Variants in DNAH9 observed in about 807,000 individuals in gnomAD.
DNAH9 encodes the protein DNAH9 variant protein.
Under a neutral mutation model 471.6 loss-of-function variants are expected in DNAH9, and 345 were observed. The ratio of observed to expected loss-of-function variants is 0.73; its 90% CI spans 0.67 to 0.80. The LOEUF (loss-of-function observed/expected upper bound fraction) is 0.80. Ranked by LOEUF, DNAH9 falls within the 30% of genes least tolerant of loss-of-function variation. DNAH9 has a pLI of 0.00. For synonymous variants in DNAH9, 2,093 were observed against 2,123.6 expected (o/e 0.99, Z 0.40); for missense variants, 5,407 against 5,609.2 (o/e 0.96, Z 1.15).
In DNAH9 at chr17:11,798,277, A is replaced by T. The variant is rs1969324058; in HGVS notation, c.8420+484A>T. On this transcript the variant is annotated intron_variant, in intron 43 of 68. Transcript: ENST00000262442. ...GAAACCCCATCTCTACTAAAAATATAAAAAAATTAGCCAGGCGTGGTGGCA... is the reference window on the plus strand; with the variant it reads ...GAAACCCCATCTCTACTAAAAATATTAAAAAATTAGCCAGGCGTGGTGGCA... 2.6e-5 allele frequency among the ~76,000 whole-genome samples: 4 copies of T among 151,226 alleles called. No homozygotes were observed. In the South Asian group the frequency reaches 6.3e-4, roughly 24 times the overall value.
intron 10 of DNAH9, among the ~76,000 whole-genome samples, chr17:11,641,971 A>G (rs1185585111): frequency 5.9e-5 from 9 of 152,052 alleles, no homozygotes; most frequent in Admixed American, 3.3e-4. Context: ...CCGTACCCCT[A>G]CATCAGCTGG....
chr17:11,699,951 G>A, intron 23 of DNAH9, 68 bp downstream of exon 23: 3 of 1,528,110 alleles, frequency 2.0e-6, no homozygotes, highest in Non-Finnish European at 1.8e-6. Context: ...AATATGATCA[G>A]CATCAACTCT....
intron 35 of DNAH9, among the ~76,000 whole-genome samples, chr17:11,760,667 A>G (rs932983865): frequency 1.3e-5 from 2 of 152,052 alleles, no homozygotes; most frequent in Non-Finnish European, 2.9e-5. Context: ...CTACAGGTGC[A>G]TGCCACCACA....
In DNAH9 at chr17:11,652,811, C is replaced by A. The variant is rs1379454898; in HGVS notation, c.2404C>A (p.Gln802Lys). The A allele has an allele frequency of 6.2e-7, 1 of 1,613,198 alleles. No homozygotes were observed. The highest frequency in any genetic ancestry group is 1.1e-5 in the South Asian group (1 of 91,060). The stretch of plus-strand genomic sequence containing the variant: ...CACCAGTAGTATTCATGATCTTGAA[C>A]AAAGAATTCAGAAAACTAAAGACAA... ...EITSSIHDLE[Q>K]RIQKTKDNVE... Residue 802 changes from glutamine to lysine, a missense_variant, in exon 14 of 69, where the codon CAA (glutamine) becomes AAA (lysine). Gln to Lys is a moderately conservative substitution (Grantham distance 53, BLOSUM62 1). Around this residue, in one of 3 missense-constraint regions of DNAH9, gnomAD observed 4,636 missense variants for 4,900.3 expected, o/e 0.95. Transcript: ENST00000262442.
rs1470208236 is a variant in DNAH9, at chr17:11,786,063, T to A, written c.8061+1524T>A. On this transcript the variant is annotated intron_variant, in intron 41 of 68. Coordinates refer to ENST00000262442, the MANE Select transcript of DNAH9 (RefSeq NM_001372.4). ...ACTGCAGCTCTATGAAGTGGGGGTG[T>A]TACTAGGTGGATTTTTCAAATGAAA... 2.1e-5 allele frequency among the ~76,000 whole-genome samples: 3 copies of A among 145,946 alleles called. No individual in the cohort carries two copies. In the East Asian group the frequency reaches 6.0e-4, roughly 29 times the overall value.
At chr17:11,724,930 G>A (rs1018926844) in intron 27 of DNAH9, among the ~76,000 whole-genome samples, 6 of 152,128 alleles carry the variant, frequency 3.9e-5, no homozygotes, top group Non-Finnish European at 8.8e-5. Flanking sequence ...TCAACTAGTT[G>A]GTTCCAACTG....
In DNAH9 at chr17:11,747,715, A is replaced by G. The variant is rs201580077; in HGVS notation, c.6559A>G (p.Asn2187Asp). 1.1e-5 allele frequency: 18 copies of G among 1,614,144 alleles called. No individual in the cohort carries two copies. Among genetic ancestry groups the G allele is most frequent in the Non-Finnish European group, 1.4e-5 (17 of 1,180,016 alleles). ...TGACCTCAATCCCAAAGCAGTCACAAATGATGAGCTCTTTGGCATCATCAA... is the reference window on the plus strand; with the variant it reads ...TGACCTCAATCCCAAAGCAGTCACAGATGATGAGCTCTTTGGCATCATCAA... Reference protein sequence around the residue: ...WTDLNPKAVTNDELFGIINPA... With the variant: ...WTDLNPKAVTDDELFGIINPA... The change falls in exon 32 of 69, where the codon AAT (asparagine) becomes GAT (aspartate). Residue 2187 changes from asparagine to aspartate, a missense_variant. Around this residue, in one of 3 missense-constraint regions of DNAH9, gnomAD observed 4,636 missense variants for 4,900.3 expected, o/e 0.95. Coordinates refer to ENST00000262442, the MANE Select transcript of DNAH9 (RefSeq NM_001372.4).
At chr17:11,779,284 T>C (rs113024793) in intron 38 of DNAH9, among the ~76,000 whole-genome samples, 4 of 152,246 alleles carry the variant, frequency 2.6e-5, no homozygotes, top group African/African-American at 9.6e-5. Context: ...TTTACATGTC[T>C]CATTCGTTCA....
chr17:11,738,866 GATTGGTTCACCAGGTAAAAAGC>G lies in DNAH9; in HGVS notation c.5815-10_5826del. 1 of 1,612,866 alleles carries G rather than the reference GATTGGTTCACCAGGTAAAAAGC, an allele frequency of 6.2e-7. No homozygotes were observed. Among genetic ancestry groups the G allele is most frequent in the Non-Finnish European group, 8.5e-7 (1 of 1,179,034 alleles). Reference sequence around the variant, plus strand: ...GCAATTGAGGAATTTCTCGCTGATTGATTGGTTCACCAGGTAAAAAGCATTCAAGATGCGATTAGAGATAAGA... The same window carrying G: ...GCAATTGAGGAATTTCTCGCTGATTGATTCAAGATGCGATTAGAGATAAGA... On this transcript the variant is annotated splice_acceptor_variant and splice_polypyrimidine_tract_variant and coding_sequence_variant and intron_variant, in exon 29 of 69. Coordinates refer to ENST00000262442, the MANE Select transcript of DNAH9 (RefSeq NM_001372.4). LOFTEE classifies it high-confidence loss of function.
At chr17:11,610,346 C>T (rs765062756) in intron 2 of DNAH9, 50 bp from the exon 3 acceptor site, 1 of 1,531,442 alleles carries the variant, frequency 6.5e-7, no homozygotes, top group Non-Finnish European at 9.0e-7. Context: ...TTTCACGCCT[C>T]AGGGTTTTTG....
chr17:11,942,282 G>A (rs894917795), intron 66 of DNAH9, 21 bp from the exon 67 acceptor site: 2 of 1,610,988 alleles, frequency 1.2e-6, no homozygotes, highest in African/African-American at 2.7e-5. Flanking sequence ...TCTTAACGCT[G>A]TGTTTCCTTC....
intron 11 of DNAH9, 115 bp downstream of exon 11, chr17:11,644,814 T>G: frequency 1.4e-6 from 1 of 734,840 alleles, no homozygotes; most frequent in Non-Finnish European, 2.3e-6. Flanking sequence ...CTCTATGTTT[T>G]ATGTTATAAC....
intron 62 of DNAH9, among the ~76,000 whole-genome samples, chr17:11,926,247 T>C (rs1044381650): frequency 1.3e-5 from 2 of 152,128 alleles, no homozygotes; most frequent in African/African-American, 4.8e-5. Flanking sequence ...CCTTCTTTTT[T>C]TTTCTTCAAC....
chr17:11,918,701 G>C (rs1267919142), intron 61 of DNAH9, among the ~76,000 whole-genome samples: 1 of 152,180 alleles, frequency 6.6e-6, no homozygotes, highest in Non-Finnish European at 1.5e-5. Flanking sequence ...GATACAAAAA[G>C]AGGGCCGGGC....
At chr17:11,958,077 A>G (rs1013801506) in intron 67 of DNAH9, among the ~76,000 whole-genome samples, 6 of 152,240 alleles carry the variant, frequency 3.9e-5, no homozygotes, top group African/African-American at 1.2e-4. Context: ...TTATTATTCA[A>G]TGCTTTTTAA....
At chr17:11,768,330 G>A (rs1290243984) in intron 36 of DNAH9, 123 bp from the exon 37 acceptor site, 48 of 996,604 alleles carry the variant, frequency 4.8e-5, no homozygotes, top group South Asian at 1.5e-4. Flanking sequence ...TGGTCTAGCC[G>A]GCAGGCCCAC....
Position 11,782,963 on chromosome 17 carries a change from A to AT in DNAH9, c.7719-681dup, listed in dbSNP as rs569238976. Among the ~76,000 whole-genome samples, 60 of 152,264 alleles carry AT rather than the reference A, an allele frequency of 3.9e-4. No homozygotes were observed. In the South Asian group the frequency reaches 0.012, roughly 31 times the overall value. On this transcript the variant is annotated intron_variant, in intron 39 of 68. Coordinates refer to ENST00000262442, the MANE Select transcript of DNAH9 (RefSeq NM_001372.4). ...TATTGGGTTAAAAAATTACTTTATA[A>AT]TTACTGTTCTGTCCCCACTCTCTTA...
intron 35 of DNAH9, among the ~76,000 whole-genome samples, chr17:11,761,833 G>A (rs1347356570): frequency 1.3e-5 from 2 of 152,090 alleles, no homozygotes; most frequent in Admixed American, 6.5e-5. Flanking sequence ...GCTCTCTCTA[G>A]TACTCTGATT....
intron 28 of DNAH9, among the ~76,000 whole-genome samples, chr17:11,736,253 C>T (rs75736059): frequency 0.013 from 2,030 of 152,208 alleles, 43 homozygotes; most frequent in African/African-American, 0.046. Flanking sequence ...GATCGTCCCT[C>T]GTACATATTA....
Sources: gnomAD v4.1 joint callset for allele counts (sites outside exome capture counted in the v4.1 genomes callset) on GRCh38, gnomAD v4.1.1 for gene constraint, gnomAD v4.1.1 regional missense constraint, MANE v1.5 for transcripts, NCBI Gene and HGNC (gene_info 2026-07-23, HGNC 2026-07-21) for gene names.